Variants in SETX observed in about 807,000 individuals in gnomAD.
SETX encodes helicase senataxin.
In SETX, 90 loss-of-function variants were observed where a neutral mutation model predicts 227.2. That is an observed-to-expected ratio of 0.40 (90% CI 0.33 to 0.47). The LOEUF (loss-of-function observed/expected upper bound fraction) is 0.47. Among genes scored for constraint, SETX ranks in the 20% least tolerant of loss-of-function variants. SETX has a pLI of 0.91. For missense variants in SETX, 3,052 were observed against 3,181.5 expected (o/e 0.96, Z 0.98); for synonymous variants, 1,210 against 1,113.2 (o/e 1.09, Z -1.73).
At chr9:132,343,929 T>C (rs984701228) in intron 4 of SETX, among the ~76,000 whole-genome samples, 1 of 152,122 alleles carries the variant, frequency 6.6e-6, no homozygotes. Context: ...AGGGCAAATA[T>C]ATGGCCTCCC....
At chr9:132,339,137 T>C (rs898005810) in intron 5 of SETX, among the ~76,000 whole-genome samples, 2 of 152,230 alleles carry the variant, frequency 1.3e-5, no homozygotes, top group African/African-American at 4.8e-5. Context: ...TTCATTTTAA[T>C]ATAGTCAAGT....
chr9:132,304,952 A>G (rs374912591), intron 11 of SETX, among the ~76,000 whole-genome samples: 13 of 151,938 alleles, frequency 8.6e-5, no homozygotes, highest in Admixed American at 3.9e-4. Context: ...CTGAGATCAC[A>G]CCACTGCACT....
intron 15 of SETX, among the ~76,000 whole-genome samples, chr9:132,289,076 A>T (rs1844120664): frequency 6.6e-6 from 1 of 152,236 alleles, no homozygotes; most frequent in African/African-American, 2.4e-5. Context: ...CCATAAAAAT[A>T]TGGAACAGTA....
In SETX at chr9:132,262,852, T is replaced by C. The variant is rs529233963; in HGVS notation, c.*1387A>G. On this transcript the variant is annotated 3_prime_UTR_variant, in exon 26 of 26. Coordinates refer to ENST00000224140, the MANE Select transcript of SETX (RefSeq NM_015046.7). ...TATTTTCCTACCCCCAAATGAGATA[T>C]GGGGCTGCACAGCATTCACTACAGA... 15 of 152,340 alleles carry C rather than the reference T, an allele frequency of 9.8e-5. No homozygotes were observed. The East Asian group carries it at 1.5e-3, about 16-fold the overall frequency. The allele number at this position is 152,340 out of a possible 1,614,324, so 9.4% of individuals were successfully genotyped here.
chr9:132,265,852 T>A (rs1339532709), intron 25 of SETX, among the ~76,000 whole-genome samples: 2 of 152,148 alleles, frequency 1.3e-5, no homozygotes, highest in Non-Finnish European at 2.9e-5. Context: ...ATGTGACTAT[T>A]CTAGAAAAAG....
At chr9:132,282,331 T>C (rs1807701829) in intron 19 of SETX, among the ~76,000 whole-genome samples, 1 of 150,970 alleles carries the variant, frequency 6.6e-6, no homozygotes, top group Admixed American at 6.6e-5. Flanking sequence ...AGAGTCTCAC[T>C]CTGTCACCCA....
chr9:132,278,249 C>T lies in SETX; in HGVS notation c.6663G>A (p.Gln2221=). 6.2e-7 allele frequency: 1 copy of T among 1,614,104 alleles called. No homozygotes were observed. Among genetic ancestry groups the T allele is most frequent in the Non-Finnish European group, 8.5e-7 (1 of 1,179,996 alleles). The change falls in exon 21 of 26, where the codon CAG becomes CAA. Residue 2221 remains glutamine (Q), a synonymous_variant. Transcript: ENST00000224140. ...LPPTVISMKA[Q]EYGYDQSMMA... is the part of the protein sequence containing the mutation. ...TCATTGACTGGTCGTAGCCATACTC[C>T]TGTGCTTTCTGTGAGGGGCAAAATA...
At chr9:132,331,017 TA>T in intron 9 of SETX, 34 bp downstream of exon 9, 1 of 1,481,598 alleles carries the variant, frequency 6.7e-7, no homozygotes, top group Non-Finnish European at 9.4e-7. Flanking sequence ...ATAAAGGCAA[TA>T]AAATAGCATC....
At chr9:132,350,074 TG>T (rs1848523195) in intron 2 of SETX, among the ~76,000 whole-genome samples, 1 of 151,892 alleles carries the variant, frequency 6.6e-6, no homozygotes, top group African/African-American at 2.4e-5. Flanking sequence ...CTAAGTAAGC[TG>T]GGAACGGTGG....
intron 25 of SETX, among the ~76,000 whole-genome samples, chr9:132,268,235 T>C (rs1383059583): frequency 6.6e-6 from 1 of 152,218 alleles, no homozygotes; most frequent in Non-Finnish European, 1.5e-5. Flanking sequence ...CATGCACCCT[T>C]CACATGGGTT....
At chr9:132,275,729 C>T (rs537181069) in intron 22 of SETX, among the ~76,000 whole-genome samples, 4 of 152,292 alleles carry the variant, frequency 2.6e-5, no homozygotes, top group Admixed American at 2.6e-4. Context: ...TCTGTTGAAA[C>T]AGGGAGAGCA....
chr9:132,284,478 G>A (rs113701457), intron 18 of SETX, among the ~76,000 whole-genome samples: 51 of 152,154 alleles, frequency 3.4e-4, no homozygotes, highest in South Asian at 8.3e-4. Flanking sequence ...TACTACTAAC[G>A]TCATCAGTTA....
rs907398099 is a variant in SETX, at chr9:132,324,902, G to A, written c.5274+1422C>T. The stretch of plus-strand genomic sequence containing the variant: ...CACACACACAAAAATCCTTCTAAAC[G>A]CAGTTGAATGCTTACACTAAAGAAT... On this transcript the variant is annotated intron_variant, in intron 10 of 25. Transcript: ENST00000224140. 5.9e-5 allele frequency among the ~76,000 whole-genome samples: 9 copies of A among 152,242 alleles called. No homozygotes were observed. In the South Asian group the frequency reaches 1.9e-3, roughly 32 times the overall value.
At chr9:132,354,643 C>T (rs1418942127) in intron 1 of SETX, among the ~76,000 whole-genome samples, 1 of 152,082 alleles carries the variant, frequency 6.6e-6, no homozygotes, top group African/African-American at 2.4e-5. Context: ...ACACCAAAAA[C>T]AGCTCACACG....
In SETX at chr9:132,330,615, CATT is replaced by C. The variant is rs537980141; in HGVS notation, c.1099-119_1099-117del. ...ACTCTCTTATTTTGGTTTACCACAT[CATT>C]ATTATGCTATACAATGGTATAATTG... On this transcript the variant is annotated intron_variant, in intron 9 of 25. Transcript: ENST00000224140. 3.1e-4 allele frequency: 253 copies of C among 805,050 alleles called. 1 individual carries two copies. Among genetic ancestry groups the C allele is most frequent in the Non-Finnish European group, 4.9e-4 (237 of 481,600 alleles). The allele number at this position is 805,050 out of a possible 1,614,324, so 49.9% of individuals were successfully genotyped here. A position where few individuals can be genotyped will look rare whatever the true frequency, so the allele number is the denominator to read the frequency against.
At chr9:132,310,695 C>T (rs1163808735) in intron 11 of SETX, among the ~76,000 whole-genome samples, 1 of 152,162 alleles carries the variant, frequency 6.6e-6, no homozygotes, top group African/African-American at 2.4e-5. Flanking sequence ...CAATGTACAG[C>T]TGACAATTGA....
intron 10 of SETX, among the ~76,000 whole-genome samples, chr9:132,313,839 C>A (rs974529296): frequency 5.4e-5 from 8 of 148,962 alleles, no homozygotes; most frequent in African/African-American, 1.2e-4. Context: ...AAAAAAAAAA[C>A]AATAAAAAGA....
At chr9:132,277,810 A>AAAAG (rs1188555201) in intron 21 of SETX, among the ~76,000 whole-genome samples, 1 of 108,010 alleles carries the variant, frequency 9.3e-6, no homozygotes. Context: ...AAAAAAAAAA[A>AAAAG]AAGGACTGCT....
intron 5 of SETX, 58 bp downstream of exon 5, chr9:132,342,632 G>A: frequency 8.6e-7 from 1 of 1,161,538 alleles, no homozygotes; most frequent in Non-Finnish European, 1.3e-6. Flanking sequence ...CGCTATTATA[G>A]CTATCTATAG....
Sources: gnomAD v4.1 joint callset for allele counts (sites outside exome capture counted in the v4.1 genomes callset) on GRCh38, gnomAD v4.1.1 for gene constraint, MANE v1.5 for transcripts, NCBI Gene and HGNC (gene_info 2026-07-23, HGNC 2026-07-21) for gene names.